STYXL2: variants seen among roughly 807,000 people sequenced by gnomAD.
STYXL2 encodes serine/threonine/tyrosine-interacting-like protein 2.
A neutral mutation model predicts 52.4 loss-of-function variants in STYXL2; 44 were observed. That is an observed-to-expected ratio of 0.84 (90% CI 0.66 to 1.08). The LOEUF (loss-of-function observed/expected upper bound fraction) is 1.08, where lower values mean the gene tolerates loss of function less well. Ranked by LOEUF, STYXL2 falls within the 50% of genes least tolerant of loss-of-function variation. The pLI, the probability that STYXL2 is intolerant of heterozygous loss-of-function variation, is 0.00. For missense variants in STYXL2, 1,604 were observed against 1,471.7 expected (o/e 1.09, Z -1.47); for synonymous variants, 604 against 586.9 (o/e 1.03, Z -0.42).
rs781176131 is a variant in STYXL2 at position 167,113,728 on chromosome 1, T to C, written c.129T>C (p.Asp43=). The C allele has an allele frequency of 5.0e-6, 8 of 1,613,726 alleles. No individual in the cohort carries two copies. The Admixed American group carries it at 1.0e-4, about 20-fold the overall frequency. Residue 43 remains aspartate, a synonymous_variant, in exon 3 of 6, where the codon GAT becomes GAC. Coordinates refer to ENST00000361200, the MANE Select transcript of STYXL2 (RefSeq NM_001080426.3). ...CCCTTAGGTATTCGATGGTCTCAGA[T>C]GCAGAAACAGAAAGCATTTTCATGG... ...PSPSQYSMVS[D]AETESIFMEP...
In STYXL2 at chr1:167,127,208, A is replaced by G; in HGVS notation, c.2077A>G (p.Ser693Gly). The change falls in exon 6 of 6, where the codon AGC becomes GGC. Residue 693 changes from serine (S) to glycine (G), a missense_variant. Ser to Gly is a moderately conservative substitution (Grantham distance 56). Coordinates refer to ENST00000361200, the MANE Select transcript of STYXL2 (RefSeq NM_001080426.3). ...SHRSHLSQAA[S>G]NIAGCSTSNP... is the part of the protein sequence containing the mutation. ...CCGCTCCCACCTGTCTCAGGCTGCA[A>G]GCAACATAGCGGGGTGTTCAACCTC... The G allele has an allele frequency of 6.2e-7, 1 of 1,614,152 alleles. No individual in the cohort carries two copies. Among genetic ancestry groups the G allele is most frequent in the South Asian group, 1.1e-5 (1 of 91,082 alleles).
intron 4 of STYXL2, among the ~76,000 whole-genome samples, chr1:167,118,649 C>T (rs907762314): frequency 1.4e-4 from 22 of 152,222 alleles, no homozygotes; most frequent in African/African-American, 4.6e-4. Flanking sequence ...CTAAGCTGCA[C>T]TTATTCAGCT....
intron 2 of STYXL2, among the ~76,000 whole-genome samples, chr1:167,105,451 C>T (rs1405464072): frequency 6.6e-6 from 1 of 152,152 alleles, no homozygotes; most frequent in Non-Finnish European, 1.5e-5. Flanking sequence ...CTTGAACAGC[C>T]AGCCCTCACT....
At position 167,125,983 on chromosome 1, in the gene STYXL2, G is replaced by C; in HGVS notation, c.852G>C (p.Glu284Asp). Residue 284 changes from glutamate (E) to aspartate (D), a missense_variant, in exon 6 of 6, where the codon GAG becomes GAC. By Grantham distance (45) the Glu-to-Asp change is conservative. Transcript: ENST00000361200. ...LNEKLMEERE[E>D]DYGREGGSAE... ...AGAAGTTGATGGAGGAGAGAGAAGA[G>C]GACTATGGCCGGGAGGGGGGATCAG... 2 of 1,612,850 alleles carry C rather than the reference G, an allele frequency of 1.2e-6. No homozygotes were observed. Among genetic ancestry groups the C allele is most frequent in the Non-Finnish European group, 1.7e-6 (2 of 1,179,508 alleles).
At chr1:167,097,566 G>A (rs1341111510) in intron 2 of STYXL2, among the ~76,000 whole-genome samples, 1 of 152,054 alleles carries the variant, frequency 6.6e-6, no homozygotes, top group Non-Finnish European at 1.5e-5. Context: ...GCAGTGGAGT[G>A]TATAGCTAAC....
chr1:167,107,610 T>C (rs1454453032), intron 2 of STYXL2, among the ~76,000 whole-genome samples: 1 of 152,208 alleles, frequency 6.6e-6, no homozygotes, highest in Non-Finnish European at 1.5e-5. Context: ...AACTGCCACA[T>C]TCCCTTAAGT....
intron 4 of STYXL2, among the ~76,000 whole-genome samples, chr1:167,118,944 C>T (rs1053920877): frequency 6.6e-6 from 1 of 152,092 alleles, no homozygotes; most frequent in Non-Finnish European, 1.5e-5. Context: ...ATGTCCATTC[C>T]CAAGGCATGG....
Position 167,094,954 on chromosome 1 carries a change from T to A in STYXL2, c.105T>A (p.Pro35=). The change falls in exon 2 of 6, where the codon CCT becomes CCA. Residue 35 remains proline (P), a synonymous_variant. Transcript: ENST00000361200. ...VQAHYLRSPS[P]SQYSMVSDAE... is the part of the protein sequence containing the mutation. ...CCCACTACCTCCGAAGCCCCTCCCC[T>A]AGCCAGTAAGTGACCACTTATCTCC... The A allele has an allele frequency of 6.2e-7, 1 of 1,601,248 alleles. No homozygotes were observed. The highest frequency in any genetic ancestry group is 8.5e-7 in the Non-Finnish European group (1 of 1,173,896).
At chr1:167,119,943 T>C (rs1667815608) in intron 5 of STYXL2, among the ~76,000 whole-genome samples, 1 of 152,114 alleles carries the variant, frequency 6.6e-6, no homozygotes, top group Non-Finnish European at 1.5e-5. Context: ...GAACTAGTAG[T>C]GCAAAGATCC....
intron 2 of STYXL2, among the ~76,000 whole-genome samples, chr1:167,098,987 A>G (rs1223243771): frequency 1.3e-5 from 2 of 152,218 alleles, no homozygotes; most frequent in East Asian, 3.8e-4. Context: ...TCACTCCATC[A>G]GAGAAGTACC....
intron 4 of STYXL2, among the ~76,000 whole-genome samples, chr1:167,118,287 C>T (rs1056116950): frequency 2.0e-5 from 3 of 152,156 alleles, no homozygotes; most frequent in African/African-American, 4.8e-5. Context: ...TGCATAATTG[C>T]GACCACTTGG....
intron 2 of STYXL2, among the ~76,000 whole-genome samples, 189 bp from the exon 3 acceptor site, chr1:167,113,521 G>C (rs916363418): frequency 6.6e-6 from 1 of 152,206 alleles, no homozygotes; most frequent in African/African-American, 2.4e-5. Context: ...ATCTGAAAAT[G>C]GGTGGGCATC....
chr1:167,123,954 G>C (rs1667908811), intron 5 of STYXL2, among the ~76,000 whole-genome samples: 1 of 151,558 alleles, frequency 6.6e-6, no homozygotes, highest in Admixed American at 6.6e-5. Context: ...GTCTCATTCT[G>C]TTGCCTGAGC....
At chr1:167,108,722 T>C (rs1305953725) in intron 2 of STYXL2, among the ~76,000 whole-genome samples, 1 of 152,178 alleles carries the variant, frequency 6.6e-6, no homozygotes, top group Non-Finnish European at 1.5e-5. Context: ...GAGACTCACA[T>C]CATGAACCTT....
At chr1:167,114,691 G>C (rs577918296) in intron 3 of STYXL2, among the ~76,000 whole-genome samples, 3 of 152,348 alleles carry the variant, frequency 2.0e-5, no homozygotes, top group African/African-American at 7.2e-5. Context: ...AATTTGACTT[G>C]CTGTTGCTCA....
chr1:167,117,474 C>A lies in STYXL2; in HGVS notation c.352C>A (p.Leu118Ile). The A allele has an allele frequency of 6.2e-7, 1 of 1,612,506 alleles. No homozygotes were observed. Among genetic ancestry groups the A allele is most frequent in the Non-Finnish European group, 8.5e-7 (1 of 1,179,364 alleles). Residue 118 changes from leucine to isoleucine, a missense_variant, in exon 4 of 6, where the codon CTA becomes ATA. Transcript: ENST00000361200. ...CTATAATACGCCCTGTGTCCTGGACCTACAGCGGGCCCTGGTTCAGGATCG... is the reference window on the plus strand; with the variant it reads ...CTATAATACGCCCTGTGTCCTGGACATACAGCGGGCCCTGGTTCAGGATCG... ...SLYNTPCVLD[L>I]QRALVQDRQE...
At position 167,126,283 on chromosome 1, in the gene STYXL2, C is replaced by A. The variant is rs1423369595; in HGVS notation, c.1152C>A (p.Leu384=). Residue 384 remains leucine, a synonymous_variant, in exon 6 of 6, where the codon CTC becomes CTA. Transcript: ENST00000361200. ...SASSGQGGEE[L]EDEDVERIIQ... ...CCTCTGGCCAGGGTGGGGAGGAGCT[C>A]GAGGACGAGGACGTGGAGAGGATCA... 2 of 1,528,978 alleles carry A rather than the reference C, an allele frequency of 1.3e-6. No homozygotes were observed. Among genetic ancestry groups the A allele is most frequent in the Admixed American group, 2.2e-5 (1 of 46,484 alleles). 94.7% of individuals were successfully genotyped at this position (1,528,978 alleles called of 1,614,324 possible). A position where few individuals can be genotyped will look rare whatever the true frequency, so the allele number is the denominator to read the frequency against.
chr1:167,125,529 G>A (rs887750825), intron 5 of STYXL2, among the ~76,000 whole-genome samples: 3 of 152,062 alleles, frequency 2.0e-5, no homozygotes, highest in Non-Finnish European at 2.9e-5. Context: ...TCTGTTGCTC[G>A]GTTTGTGAGG....
intron 2 of STYXL2, among the ~76,000 whole-genome samples, chr1:167,112,506 T>A (rs1434702893): frequency 2.6e-5 from 4 of 152,218 alleles, no homozygotes; most frequent in Non-Finnish European, 4.4e-5. Flanking sequence ...ATCTGATGCA[T>A]GCATCTAGGC....
Sources: gnomAD v4.1 joint callset for allele counts (sites outside exome capture counted in the v4.1 genomes callset) on GRCh38, gnomAD v4.1.1 for gene constraint, MANE v1.5 for transcripts, NCBI Gene and HGNC (gene_info 2026-07-23, HGNC 2026-07-21) for gene names.